The following ARHGAP22 variants were observed in gnomAD, a reference collection of about 807,000 sequenced individuals.
ARHGAP22 encodes the protein rho GTPase-activating protein 22.
A neutral mutation model predicts 59.1 loss-of-function variants in ARHGAP22; 48 were observed. That is an observed-to-expected ratio of 0.81 (90% CI 0.64 to 1.03). The LOEUF (loss-of-function observed/expected upper bound fraction) is 1.03. Among genes scored for constraint, ARHGAP22 ranks in the 50% least tolerant of loss-of-function variants. The pLI, the probability that ARHGAP22 is intolerant of heterozygous loss-of-function variation, is 0.00. For synonymous variants in ARHGAP22, 445 were observed against 416.4 expected, an observed-to-expected ratio of 1.07 and a Z score of -0.84; for missense variants, 1,015 against 958.7, an observed-to-expected ratio of 1.06 and a Z score of -0.78.
At chr10:48,557,577 T>G (rs541967851) in intron 2 of ARHGAP22, among the ~76,000 whole-genome samples, 1 of 152,306 alleles carries the variant, frequency 6.6e-6, no homozygotes, top group South Asian at 2.1e-4. Context: ...AAGGGTGTGC[T>G]GGGGACGTCA....
intron 4 of ARHGAP22, among the ~76,000 whole-genome samples, chr10:48,478,849 G>T (rs1244086129): frequency 6.6e-6 from 1 of 152,108 alleles, no homozygotes; most frequent in African/African-American, 2.4e-5. Flanking sequence ...CCACCCCATG[G>T]ACTCTCCTGG....
At chr10:48,429,990 T>G in the ARHGAP22 span, 1 of 152,254 alleles carries the variant, frequency 6.6e-6, no homozygotes, top group East Asian at 1.9e-4. Context: ...AGTGTTGATG[T>G]GGCATCCACC....
Position 48,450,492 on chromosome 10 carries a change from T to A in ARHGAP22, c.1637A>T (p.Asp546Val). ...GAGCGGGGAGGGCTCCAGGGCCCAG[T>A]CGGTGTGCAGGGAACTGCGGGCAGA... ...DSSARSSLHT[D>V]WALEPSPLPS... The change falls in exon 9 of 10, where the codon GAC (aspartate) becomes GTC (valine). Residue 546 changes from aspartate (D) to valine (V), a missense_variant. Physicochemically the swap from Asp to Val is radical, Grantham distance 152 (BLOSUM62 -3). Transcript: ENST00000249601. 2 of 1,532,878 alleles carry A rather than the reference T, an allele frequency of 1.3e-6. No homozygotes were observed. Among genetic ancestry groups the A allele is most frequent in the Non-Finnish European group, 1.8e-6 (2 of 1,138,632 alleles). The allele number at this position is 1,532,878 out of a possible 1,614,324, so 95.0% of individuals were successfully genotyped here. A position where few individuals can be genotyped will look rare whatever the true frequency, so the allele number is the denominator to read the frequency against.
the ARHGAP22 span, among the ~76,000 whole-genome samples, chr10:48,440,890 C>T: frequency 6.6e-6 from 1 of 152,152 alleles, no homozygotes. Context: ...GAAAGGGACT[C>T]ATTTAGATGT....
At chr10:48,635,445 C>A (rs1268564515) in intron 1 of ARHGAP22, among the ~76,000 whole-genome samples, 1 of 152,220 alleles carries the variant, frequency 6.6e-6, no homozygotes, top group Non-Finnish European at 1.5e-5. Context: ...TAGGTGAGCC[C>A]ACTGATGGCT....
intron 3 of ARHGAP22, among the ~76,000 whole-genome samples, chr10:48,527,610 C>A (rs2054450997): frequency 6.6e-6 from 1 of 152,146 alleles, no homozygotes; most frequent in Non-Finnish European, 1.5e-5. Context: ...GTTAAATAAA[C>A]AGAAGAATGG....
At chr10:48,572,298 C>G (rs2135498193) in intron 2 of ARHGAP22, among the ~76,000 whole-genome samples, 1 of 152,320 alleles carries the variant, frequency 6.6e-6, no homozygotes, top group East Asian at 1.9e-4. Flanking sequence ...CCCTAAGAAA[C>G]AAGTGCTAAA....
chr10:48,604,791 CA>C lies in ARHGAP22; in HGVS notation c.5del (p.Leu2ArgfsTer16), dbSNP rs749172993. On this transcript the variant is annotated frameshift_variant, in exon 1 of 10. Coordinates refer to ENST00000249601, the MANE Select transcript of ARHGAP22 (RefSeq NM_021226.4). LOFTEE classifies it high-confidence loss of function. ...TCCTGGCCTGCCTGATCTTTGGGCT[CA>C]GCATGTTCTTGCAGCCGTCCGGCCA... M[L>X]SPKIRQARRA... The C allele has an allele frequency of 3.1e-6, 5 of 1,614,112 alleles. No homozygotes were observed. The African/African-American group carries it at 6.7e-5, about 22-fold the overall frequency.
chr10:48,559,893 A>T (rs901859872), intron 2 of ARHGAP22, among the ~76,000 whole-genome samples: 2 of 152,216 alleles, frequency 1.3e-5, no homozygotes, highest in African/African-American at 2.4e-5. Context: ...TCAGATTTAC[A>T]TTGCAAGTTT....
rs1182934807 is a variant in ARHGAP22, at chr10:48,450,930, G to C, written c.1199C>G (p.Ala400Gly). Residue 400 changes from alanine to glycine, a missense_variant, in exon 9 of 10, where the codon GCC becomes GGC. By Grantham distance (60) the Ala-to-Gly change is moderately conservative. Coordinates refer to ENST00000249601, the MANE Select transcript of ARHGAP22 (RefSeq NM_021226.4). ...AHRTSSLDGA[A>G]VAVLSRTAPT... ...GGCTGTTCTGGAGAGCACCGCCACG[G>C]CCGCCCCGTCCAGGGAAGAGGTCCT... The C allele has an allele frequency of 1.3e-6, 2 of 1,590,392 alleles. No individual in the cohort carries two copies. The highest frequency in any genetic ancestry group is 4.6e-5 in the East Asian group (2 of 43,590).
chr10:48,605,179 C>A (rs1035761079), upstream of ARHGAP22: 16 of 1,115,240 alleles, frequency 1.4e-5, no homozygotes, highest in Non-Finnish European at 1.6e-5. Context: ...CAGCCAGAGA[C>A]GCGGGGCGCG....
intron 1 of ARHGAP22, among the ~76,000 whole-genome samples, chr10:48,633,232 C>A (rs565169042): frequency 1.3e-5 from 2 of 152,320 alleles, no homozygotes; most frequent in South Asian, 4.1e-4. Context: ...CCTTTAATGG[C>A]CCCAGTCAGC....
intron 3 of ARHGAP22, among the ~76,000 whole-genome samples, chr10:48,553,969 G>A (rs938185306): frequency 5.9e-5 from 9 of 152,138 alleles, no homozygotes; most frequent in South Asian, 2.1e-4. Context: ...CCCTGCCTAC[G>A]TCACTACTTG....
At chr10:48,570,016 A>G (rs2058298091) in intron 2 of ARHGAP22, among the ~76,000 whole-genome samples, 1 of 152,240 alleles carries the variant, frequency 6.6e-6, no homozygotes, top group African/African-American at 2.4e-5. Flanking sequence ...TGTATTTTGT[A>G]TGATTACTTA....
upstream of ARHGAP22, among the ~76,000 whole-genome samples, chr10:48,655,011 T>TCCC (rs1565069607): frequency 9.1e-5 from 6 of 65,706 alleles, no homozygotes; most frequent in African/African-American, 3.5e-4. Context: ...TTTCTTTCTC[T>TCCC]TTCTTTCTTT....
chr10:48,462,988 C>A (rs1295712266), intron 4 of ARHGAP22, among the ~76,000 whole-genome samples: 3 of 152,246 alleles, frequency 2.0e-5, no homozygotes, highest in Admixed American at 6.5e-5. Flanking sequence ...CAGTGGGCCA[C>A]ACAGGTCCAC....
At chr10:48,630,956 A>T (rs2377522) in intron 1 of ARHGAP22, among the ~76,000 whole-genome samples, 85,792 of 152,018 alleles carry the variant, frequency 0.56, 24,799 homozygotes, top group African/African-American at 0.69. Context: ...GTTACCTCTA[A>T]TTCTAGTTTG....
upstream of ARHGAP22, among the ~76,000 whole-genome samples, chr10:48,605,752 G>C (rs938457738): frequency 5.9e-5 from 9 of 152,186 alleles, no homozygotes; most frequent in Non-Finnish European, 1.3e-4. Flanking sequence ...ACTGAGGCTG[G>C]TGCTTTACAT....
chr10:48,530,305 T>C (rs1036041240), intron 3 of ARHGAP22, among the ~76,000 whole-genome samples: 1 of 144,410 alleles, frequency 6.9e-6, no homozygotes, highest in African/African-American at 2.6e-5. Flanking sequence ...GACCTGAAAC[T>C]GTAAAAATTC....
Sources: allele counts gnomAD v4.1 joint callset (sites outside exome capture counted in the v4.1 genomes callset), GRCh38; gene constraint gnomAD v4.1.1; transcripts MANE v1.5; gene names NCBI Gene and HGNC (gene_info 2026-07-23, HGNC 2026-07-21).